TUBB6: variants seen among roughly 807,000 people sequenced by gnomAD.
TUBB6 encodes tubulin beta-6 chain.
Under a neutral mutation model 32.3 loss-of-function variants are expected in TUBB6, and 18 were observed. That is an observed-to-expected ratio of 0.56 (90% CI 0.39 to 0.83). TUBB6 has a LOEUF of 0.83. TUBB6 is among the 40% of genes least tolerant of loss of function. The pLI, the probability that TUBB6 is intolerant of heterozygous loss-of-function variation, is 0.00. For synonymous variants in TUBB6, 280 were observed against 265.8 expected (o/e 1.05, Z -0.52); for missense variants, 480 against 632.0 (o/e 0.76, Z 2.58).
chr18:12,329,677 T>A, downstream of TUBB6: 1 of 1,614,132 alleles, frequency 6.2e-7, no homozygotes, highest in Non-Finnish European at 8.5e-7. Context: ...GCCAGTGCCT[T>A]CCACAAATTC....
chr18:12,322,517 G>C (rs1249742246), intron 3 of TUBB6, among the ~76,000 whole-genome samples: 1 of 152,056 alleles, frequency 6.6e-6, no homozygotes, highest in Non-Finnish European at 1.5e-5. Context: ...ACCAGACCCA[G>C]CTAATTTTTG....
chr18:12,323,569 A>G (rs943319125), intron 3 of TUBB6, among the ~76,000 whole-genome samples: 1 of 152,124 alleles, frequency 6.6e-6, no homozygotes, highest in African/African-American at 2.4e-5. Context: ...GCACTTTGGG[A>G]GGCCGAAGTG....
chr18:12,308,608 G>T, intron 1 of TUBB6, 79 bp from the exon 2 acceptor site: 1 of 1,118,784 alleles, frequency 8.9e-7, no homozygotes, highest in South Asian at 1.4e-5. Context: ...GGCCGCCGGG[G>T]CGCCTGGGGT....
At chr18:12,312,914 A>C (rs1906464383) in intron 3 of TUBB6, among the ~76,000 whole-genome samples, 2 of 148,990 alleles carry the variant, frequency 1.3e-5, no homozygotes, top group Non-Finnish European at 3.0e-5. Context: ...CAGGAGAATC[A>C]CTTGAACCCA....
chr18:12,326,027 G>A lies in TUBB6; in HGVS notation c.1238G>A (p.Ser413Asn), dbSNP rs147507601. 9 of 1,614,180 alleles carry A rather than the reference G, an allele frequency of 5.6e-6. No individual in the cohort carries two copies. Among genetic ancestry groups the A allele is most frequent in the South Asian group, 1.1e-5 (1 of 91,074 alleles). Reference protein sequence around the residue: ...MDEMEFTEAESNMNDLVSEYQ... With the variant: ...MDEMEFTEAENNMNDLVSEYQ... ...GAAATGGAGTTCACCGAGGCGGAGA[G>A]CAACATGAACGACCTGGTATCCGAG... is the stretch of plus-strand genomic sequence containing the variant. The change falls in exon 4 of 4, where the codon AGC (serine) becomes AAC (asparagine). Residue 413 changes from serine (S) to asparagine (N), a missense_variant. Transcript: ENST00000317702.
In TUBB6 at chr18:12,308,297, G is replaced by A; in HGVS notation, c.5G>A (p.Arg2Lys). 1.4e-6 allele frequency: 2 copies of A among 1,477,368 alleles called. No homozygotes were observed. The highest frequency in any genetic ancestry group is 1.8e-6 in the Non-Finnish European group (2 of 1,109,558). 91.5% of individuals were successfully genotyped at this position (1,477,368 alleles called of 1,614,324 possible). The change falls in exon 1 of 4, where the codon AGG becomes AAG. Residue 2 changes from arginine to lysine, a missense_variant. By Grantham distance (26) the Arg-to-Lys change is conservative. Coordinates refer to ENST00000317702, the MANE Select transcript of TUBB6 (RefSeq NM_032525.3). M[R>K]EIVHIQAGQC... is the part of the protein sequence containing the mutation. Reference sequence around the variant, plus strand: ...TAGCGCAGAGCCGCGCCCGCCATGAGGGAGATCGTGCACATCCAGGCGGGC... The same window carrying A: ...TAGCGCAGAGCCGCGCCCGCCATGAAGGAGATCGTGCACATCCAGGCGGGC...
At chr18:12,329,523 G>A, downstream of TUBB6, 1 of 1,591,774 alleles carries the variant, frequency 6.3e-7, no homozygotes, top group Non-Finnish European at 8.6e-7. Context: ...TGCACCAGCT[G>A]AAACCACAGT....
intron 3 of TUBB6, among the ~76,000 whole-genome samples, chr18:12,311,776 T>C (rs1402139506): frequency 1.3e-5 from 2 of 152,194 alleles, no homozygotes; most frequent in Non-Finnish European, 2.9e-5. Context: ...GTAAAACATA[T>C]CTTTCTGCAG....
intron 2 of TUBB6, among the ~76,000 whole-genome samples, chr18:12,309,411 C>A (rs1047738571): frequency 7.7e-5 from 8 of 104,492 alleles, no homozygotes; most frequent in Admixed American, 2.7e-4. Context: ...CCCCCCCCCC[C>A]CCCAGTTTAA....
At position 12,326,022 on chromosome 18, in the gene TUBB6, G is replaced by T. The variant is rs367986182; in HGVS notation, c.1233G>T (p.Ala411=). 6.2e-7 allele frequency: 1 copy of T among 1,614,156 alleles called. No individual in the cohort carries two copies. Among genetic ancestry groups the T allele is most frequent in the Non-Finnish European group, 8.5e-7 (1 of 1,180,046 alleles). The change falls in exon 4 of 4, where the codon GCG becomes GCT. Residue 411 remains alanine (A), a synonymous_variant. Coordinates refer to ENST00000317702, the MANE Select transcript of TUBB6 (RefSeq NM_032525.3). ...EGMDEMEFTE[A]ESNMNDLVSE... ...TGGATGAAATGGAGTTCACCGAGGC[G>T]GAGAGCAACATGAACGACCTGGTAT...
chr18:12,308,891 C>T, intron 2 of TUBB6, 96 bp downstream of exon 2: 1 of 814,612 alleles, frequency 1.2e-6, no homozygotes, highest in East Asian at 2.6e-5. Flanking sequence ...GGGAAAAGTT[C>T]TCTCGGGGTG....
At position 12,325,500 on chromosome 18, in the gene TUBB6, C is replaced by T. The variant is rs1907246912; in HGVS notation, c.711C>T (p.Thr237=). 6.2e-7 allele frequency: 1 copy of T among 1,614,234 alleles called. No individual in the cohort carries two copies. Among genetic ancestry groups the T allele is most frequent in the Non-Finnish European group, 8.5e-7 (1 of 1,180,044 alleles). ...TGTCCGCCACCATGAGTGGGGTCAC[C>T]ACCTCGCTGCGCTTCCCGGGCCAGC... The part of the protein sequence containing the change: ...HLVSATMSGV[T]TSLRFPGQLN... Residue 237 remains threonine (T), a synonymous_variant, in exon 4 of 4, where the codon ACC becomes ACT. Transcript: ENST00000317702.
chr18:12,308,536 T>A (rs1224035864), intron 1 of TUBB6, 151 bp from the exon 2 acceptor site: 2 of 730,180 alleles, frequency 2.7e-6, no homozygotes, highest in East Asian at 3.0e-5. Flanking sequence ...CTTCTACTCT[T>A]CGCTCCCCAC....
At chr18:12,310,425 A>G (rs1906306678) in intron 2 of TUBB6, among the ~76,000 whole-genome samples, 1 of 148,820 alleles carries the variant, frequency 6.7e-6, no homozygotes, top group Non-Finnish European at 1.5e-5. Flanking sequence ...CAGGAGGCGG[A>G]GCTTGCAGTG....
chr18:12,329,457 G>C (rs1196623538), downstream of TUBB6: 3 of 1,184,142 alleles, frequency 2.5e-6, no homozygotes, highest in African/African-American at 1.5e-5. Flanking sequence ...CTGGGCCAGT[G>C]GCTGGCTAAA....
chr18:12,324,775 C>T (rs947551588), intron 3 of TUBB6: 4 of 1,291,360 alleles, frequency 3.1e-6, no homozygotes, highest in African/African-American at 1.5e-5. Context: ...TTAATGTATA[C>T]CTTTTGTTCC....
chr18:12,321,983 C>T (rs1022902956), intron 3 of TUBB6, among the ~76,000 whole-genome samples: 13 of 152,100 alleles, frequency 8.5e-5, no homozygotes, highest in African/African-American at 3.1e-4. Flanking sequence ...CAAGTTAGGT[C>T]GTTTCCAATT....
chr18:12,315,809 ATAG>A (rs529794660), intron 3 of TUBB6, among the ~76,000 whole-genome samples: 43 of 152,192 alleles, frequency 2.8e-4, no homozygotes, highest in Non-Finnish European at 5.9e-4. Flanking sequence ...ATAATTCTAC[ATAG>A]TTGAGTAAGT....
chr18:12,323,498 G>C (rs571850932), intron 3 of TUBB6, among the ~76,000 whole-genome samples: 1 of 152,058 alleles, frequency 6.6e-6, no homozygotes, highest in Non-Finnish European at 1.5e-5. Context: ...ATATACATAA[G>C]CCTGTCTGGC....
Sources: gnomAD v4.1 joint callset for allele counts (sites outside exome capture counted in the v4.1 genomes callset) on GRCh38, gnomAD v4.1.1 for gene constraint, MANE v1.5 for transcripts, NCBI Gene and HGNC (gene_info 2026-07-23, HGNC 2026-07-21) for gene names.